GTF2B: variants seen among roughly 807,000 people sequenced by gnomAD.
The protein encoded by GTF2B is transcription initiation factor IIB.
A neutral mutation model predicts 34.6 loss-of-function variants in GTF2B; 20 were observed. The observed-to-expected ratio is 0.58, with a 90% confidence interval of 0.41 to 0.84. The LOEUF (loss-of-function observed/expected upper bound fraction) is 0.84. Among genes scored for constraint, GTF2B ranks in the 40% least tolerant of loss-of-function variants. GTF2B has a pLI of 0.00. For missense variants in GTF2B, 237 were observed against 393.3 expected (o/e 0.60, Z 3.36); for synonymous variants, 142 against 132.4 (o/e 1.07, Z -0.50).
chr1:88,885,460 A>C (rs1047681825), intron 2 of GTF2B, among the ~76,000 whole-genome samples: 4 of 151,038 alleles, frequency 2.6e-5, no homozygotes, highest in South Asian at 2.1e-4. Context: ...TCAAAAAAAA[A>C]ACTTTGGCCA....
At chr1:88,887,228 G>C (rs1236702917) in intron 2 of GTF2B, 33 bp downstream of exon 2, 21 of 1,374,160 alleles carry the variant, frequency 1.5e-5, no homozygotes, top group African/African-American at 1.3e-4. Context: ...CTCCTGAACA[G>C]TAATTTAAAT....
chr1:88,870,835 G>T (rs528195963), intron 2 of GTF2B, among the ~76,000 whole-genome samples: 1 of 150,462 alleles, frequency 6.6e-6, no homozygotes, highest in East Asian at 2.0e-4. Context: ...TTAAATAGGA[G>T]TAAGTGTTGA....
intron 2 of GTF2B, among the ~76,000 whole-genome samples, chr1:88,882,284 T>TG (rs1389828997): frequency 8.9e-6 from 1 of 112,542 alleles, no homozygotes; most frequent in African/African-American, 3.6e-5. Context: ...CACTCCAGCC[T>TG]GGGGGACAGA....
At chr1:88,884,564 A>G (rs950141877) in intron 2 of GTF2B, among the ~76,000 whole-genome samples, 1 of 152,226 alleles carries the variant, frequency 6.6e-6, no homozygotes, top group African/African-American at 2.4e-5. Flanking sequence ...GAATTAACCT[A>G]TCATTGGTAA....
At position 88,887,449 on chromosome 1, in the gene GTF2B, C is replaced by A. The variant is rs72724798; in HGVS notation, c.18-82G>T. ...CTTCTGGGATGGGGGATGGGGAAGACAAAGATTGTGAACGTTTTTTCATAC... is the reference window on the plus strand; with the variant it reads ...CTTCTGGGATGGGGGATGGGGAAGAAAAAGATTGTGAACGTTTTTTCATAC... On this transcript the variant is annotated intron_variant, in intron 1 of 6. Transcript: ENST00000370500. 3.6e-6 allele frequency: 3 copies of A among 840,044 alleles called. No homozygotes were observed. The African/African-American group carries it at 5.1e-5, about 14-fold the overall frequency. The allele number at this position is 840,044 out of a possible 1,614,324, so 52.0% of individuals were successfully genotyped here.
chr1:88,864,534 G>A (rs1013065124), intron 2 of GTF2B, among the ~76,000 whole-genome samples: 8 of 152,166 alleles, frequency 5.3e-5, no homozygotes, highest in African/African-American at 1.7e-4. Flanking sequence ...CTAAGTTTGC[G>A]TGGGAAATGC....
intron 3 of GTF2B, 134 bp downstream of exon 3, chr1:88,863,847 A>G: frequency 1.4e-6 from 1 of 720,670 alleles, no homozygotes; most frequent in South Asian, 1.8e-5. Context: ...ATTCACAATG[A>G]TATTACTGGC....
At chr1:88,891,151 GAGGGT>G (rs1674193375) in intron 1 of GTF2B, among the ~76,000 whole-genome samples, 9 of 126,102 alleles carry the variant, frequency 7.1e-5, no homozygotes, top group African/African-American at 9.3e-5. Context: ...GGAGAGGAGG[GAGGGT>G]GGGAAGAAGA....
intron 2 of GTF2B, among the ~76,000 whole-genome samples, chr1:88,869,082 G>A (rs1268939653): frequency 6.6e-6 from 1 of 152,120 alleles, no homozygotes; most frequent in Non-Finnish European, 1.5e-5. Flanking sequence ...CAACCAGATT[G>A]AAAACATTTG....
intron 2 of GTF2B, among the ~76,000 whole-genome samples, chr1:88,886,068 A>G (rs900305606): frequency 1.3e-5 from 2 of 152,208 alleles, no homozygotes; most frequent in African/African-American, 2.4e-5. Context: ...AACTGAGTGA[A>G]TATGTAAATC....
chr1:88,866,040 G>A lies in GTF2B; in HGVS notation c.125-1926C>T, dbSNP rs192124525. Among the ~76,000 whole-genome samples, 361 of 151,888 alleles carry A rather than the reference G, an allele frequency of 2.4e-3. 2 individuals are homozygous for A. The highest frequency in any genetic ancestry group is 8.6e-3 in the African/African-American group (356 of 41,444). ...ATTTAAATGCTCATAAACAACCAGA[G>A]TATAGTGATCATATAATCTTAGTGA... On this transcript the variant is annotated intron_variant, in intron 2 of 6. Transcript: ENST00000370500.
intron 2 of GTF2B, among the ~76,000 whole-genome samples, chr1:88,870,573 T>C (rs987878974): frequency 6.6e-6 from 1 of 151,946 alleles, no homozygotes; most frequent in Non-Finnish European, 1.5e-5. Flanking sequence ...TAACTACTAA[T>C]TGCTATATTT....
At chr1:88,861,525 G>A (rs990372446) in intron 3 of GTF2B, among the ~76,000 whole-genome samples, 15 of 152,224 alleles carry the variant, frequency 9.9e-5, no homozygotes, top group Non-Finnish European at 2.1e-4. Flanking sequence ...TTAGCCAGGC[G>A]TGGTGGCACA....
intron 1 of GTF2B, among the ~76,000 whole-genome samples, chr1:88,891,167 G>C (rs948620645): frequency 1.4e-5 from 2 of 146,786 alleles, no homozygotes; most frequent in African/African-American, 5.1e-5. Flanking sequence ...GGGAAGAAGA[G>C]AAAATAAAGG....
chr1:88,888,908 A>G (rs182232652), intron 1 of GTF2B, among the ~76,000 whole-genome samples: 239 of 152,328 alleles, frequency 1.6e-3, no homozygotes, highest in African/African-American at 5.5e-3. Flanking sequence ...GAGGACAGAG[A>G]CTTTGCTAGT....
chr1:88,888,811 G>A (rs1264160484), intron 1 of GTF2B, among the ~76,000 whole-genome samples: 1 of 152,200 alleles, frequency 6.6e-6, no homozygotes, highest in Non-Finnish European at 1.5e-5. Context: ...GAATACATAT[G>A]CCATTTATGA....
chr1:88,864,600 T>C (rs1214802211), intron 2 of GTF2B, among the ~76,000 whole-genome samples: 3 of 152,220 alleles, frequency 2.0e-5, no homozygotes, highest in African/African-American at 4.8e-5. Context: ...ATGAAAAACA[T>C]ACCTGGCCAA....
chr1:88,868,788 T>C (rs1570725537), intron 2 of GTF2B, among the ~76,000 whole-genome samples: 1 of 151,732 alleles, frequency 6.6e-6, no homozygotes, highest in Non-Finnish European at 1.5e-5. Context: ...CAGGCTAGAG[T>C]GCAGTGGCTC....
At chr1:88,883,838 T>C (rs1305144296) in intron 2 of GTF2B, among the ~76,000 whole-genome samples, 1 of 152,152 alleles carries the variant, frequency 6.6e-6, no homozygotes, top group Admixed American at 6.5e-5. Flanking sequence ...TCTTGGCAAA[T>C]CTGTTCCACT....
Sources: allele counts gnomAD v4.1 joint callset (sites outside exome capture counted in the v4.1 genomes callset), GRCh38; gene constraint gnomAD v4.1.1; transcripts MANE v1.5; gene names NCBI Gene and HGNC (gene_info 2026-07-23, HGNC 2026-07-21).